ATP8B4: variants seen among roughly 807,000 people sequenced by gnomAD.
ATP8B4 encodes the protein ATPase phospholipid transporting 8B4 (putative).
Under a neutral mutation model 145.6 loss-of-function variants are expected in ATP8B4, and 133 were observed. The observed-to-expected ratio is 0.91, with a 90% CI of 0.79 to 1.05. The LOEUF (loss-of-function observed/expected upper bound fraction) is 1.05. ATP8B4 is among the 50% of genes least tolerant of loss of function. The pLI, the probability that ATP8B4 is intolerant of heterozygous loss-of-function variation, is 0.00. For synonymous variants in ATP8B4, 507 were observed against 492.9 expected (o/e 1.03, Z -0.38); for missense variants, 1,458 against 1,425.2 (o/e 1.02, Z -0.37).
intron 23 of ATP8B4, chr15:49,880,672 C>T (rs1258320036): frequency 6.6e-6 from 1 of 151,612 alleles, no homozygotes; most frequent in East Asian, 1.9e-4. Flanking sequence ...TTTCTAATAA[C>T]AAATTTTAAG....
chr15:49,899,444 G>T (rs552507372), intron 21 of ATP8B4, among the ~76,000 whole-genome samples: 1 of 152,048 alleles, frequency 6.6e-6, no homozygotes, highest in African/African-American at 2.4e-5. Flanking sequence ...ACCGGGGCAC[G>T]CTTAATAAAA....
At chr15:50,033,278 C>T (rs2050587447) in intron 6 of ATP8B4, among the ~76,000 whole-genome samples, 1 of 152,178 alleles carries the variant, frequency 6.6e-6, no homozygotes, top group Admixed American at 6.5e-5. Flanking sequence ...GCACAAAAAG[C>T]TTACAGTCAA....
At chr15:49,977,878 G>A (rs1415545224) in intron 12 of ATP8B4, among the ~76,000 whole-genome samples, 1 of 152,102 alleles carries the variant, frequency 6.6e-6, no homozygotes, top group East Asian at 1.9e-4. Flanking sequence ...TTATGGGGAA[G>A]TACATATTTG....
Position 50,074,167 on chromosome 15 carries a change from T to C in ATP8B4, c.47A>G (p.Lys16Arg), listed in dbSNP as rs1373365646. 5 of 1,612,890 alleles carry C rather than the reference T, an allele frequency of 3.1e-6. No homozygotes were observed. The South Asian group carries it at 5.5e-5, about 18-fold the overall frequency. Residue 16 changes from lysine (K) to arginine (R), a missense_variant, in exon 3 of 28, where the codon AAA becomes AGA. By Grantham distance (26) the Lys-to-Arg change is conservative. Transcript: ENST00000284509. ...KKLREVERIV[K>R]ANDREYNEKF... is the part of the protein sequence containing the mutation. ...TTCATTATATTCACGGTCATTGGCT[T>C]TCACTATCCGTTCCACTTCTAAAGA...
intron 27 of ATP8B4, among the ~76,000 whole-genome samples, chr15:49,860,704 G>A (rs1382471682): frequency 6.6e-6 from 1 of 152,082 alleles, no homozygotes; most frequent in Non-Finnish European, 1.5e-5. Flanking sequence ...AGAAATATCA[G>A]ACAAATTTCA....
chr15:50,135,138 T>C (rs141158632), intron 1 of ATP8B4, among the ~76,000 whole-genome samples: 1 of 152,358 alleles, frequency 6.6e-6, no homozygotes, highest in East Asian at 1.9e-4. Context: ...TCCCCAGTCC[T>C]TTAGTCCTTA....
At position 49,972,804 on chromosome 15, in the gene ATP8B4, A is replaced by C. The variant is rs745415121; in HGVS notation, c.1035-14T>G. 5.6e-6 allele frequency: 9 copies of C among 1,604,114 alleles called. No individual in the cohort carries two copies. In the Admixed American group the frequency reaches 1.4e-4, roughly 25 times the overall value. On this transcript the variant is annotated splice_polypyrimidine_tract_variant and intron_variant, in intron 12 of 27. Coordinates refer to ENST00000284509, the MANE Select transcript of ATP8B4 (RefSeq NM_024837.4). ...ATTACTTCCACACTATCATCCATTA[A>C]AATGGAAAAAAAGAAAGAAATGCTC...
At chr15:49,877,344 A>C (rs1034954859) in intron 24 of ATP8B4, among the ~76,000 whole-genome samples, 5 of 152,156 alleles carry the variant, frequency 3.3e-5, no homozygotes, top group African/African-American at 1.2e-4. Flanking sequence ...AATGCCAAAA[A>C]CCAAAAAGGA....
intron 7 of ATP8B4, among the ~76,000 whole-genome samples, chr15:50,008,244 A>C (rs1489985307): frequency 6.6e-6 from 1 of 152,130 alleles, no homozygotes; most frequent in African/African-American, 2.4e-5. Context: ...AGAATTAAGG[A>C]AGCATCACCT....
At chr15:50,145,726 A>T (rs1191550909) in intron 1 of ATP8B4, among the ~76,000 whole-genome samples, 1 of 152,036 alleles carries the variant, frequency 6.6e-6, no homozygotes. Flanking sequence ...GCACTCAGGT[A>T]CACCAAGAAG....
rs570381376 is a variant in ATP8B4, at chr15:50,102,758, C to T, written c.28+4181G>A. On this transcript the variant is annotated intron_variant, in intron 2 of 27. Transcript: ENST00000284509. The stretch of plus-strand genomic sequence containing the variant: ...ATCATTCTATGAAGCCAGTATCACC[C>T]TAATACCAAAACCAGGGATGGACAT... Among the ~76,000 whole-genome samples the T allele has an allele frequency of 6.7e-5, 10 of 148,542 alleles. 1 individual carries two copies. In the South Asian group the frequency reaches 2.2e-3, roughly 32 times the overall value.
In ATP8B4 at chr15:50,169,385, C is replaced by A. The variant is rs370346888; in HGVS notation, c.-43+12876G>T. 1.2e-4 allele frequency among the ~76,000 whole-genome samples: 19 copies of A among 152,186 alleles called. No individual in the cohort carries two copies. The East Asian group carries it at 1.7e-3, about 14-fold the overall frequency. ...GTGTGGACAACCACCAGTACCAGCC[C>A]GGAGTCAGGTAGACTCACTGGGTGG... On this transcript the variant is annotated intron_variant, in intron 1 of 3. Transcript: ENST00000558829.
chr15:49,987,174 A>T (rs777641811), intron 10 of ATP8B4, among the ~76,000 whole-genome samples: 1 of 152,164 alleles, frequency 6.6e-6, no homozygotes, highest in Non-Finnish European at 1.5e-5. Flanking sequence ...CTTAAGAATA[A>T]GATGTCAGTA....
At chr15:50,050,533 T>C (rs1369827897) in intron 3 of ATP8B4, among the ~76,000 whole-genome samples, 3 of 152,132 alleles carry the variant, frequency 2.0e-5, no homozygotes, top group African/African-American at 4.8e-5. Flanking sequence ...ATCTAAAGCA[T>C]TAAATATTCC....
At chr15:50,072,640 G>A (rs1418919090) in intron 3 of ATP8B4, among the ~76,000 whole-genome samples, 4 of 150,580 alleles carry the variant, frequency 2.7e-5, no homozygotes, top group African/African-American at 7.3e-5. Flanking sequence ...TTTTCCTTTC[G>A]AGATGGAGTC....
chr15:49,945,701 A>G (rs2042506696), intron 14 of ATP8B4, among the ~76,000 whole-genome samples: 1 of 152,222 alleles, frequency 6.6e-6, no homozygotes, highest in Non-Finnish European at 1.5e-5. Context: ...AACATACAAA[A>G]ATCAATATGA....
chr15:49,950,000 G>A (rs1208529080), intron 14 of ATP8B4, among the ~76,000 whole-genome samples: 3 of 152,164 alleles, frequency 2.0e-5, no homozygotes, highest in African/African-American at 7.2e-5. Context: ...TTGCATCCCA[G>A]GGATGAAGCT....
chr15:49,934,115 T>C lies in ATP8B4; in HGVS notation c.1355A>G (p.His452Arg), dbSNP rs974579978. 4 of 1,612,734 alleles carry C rather than the reference T, an allele frequency of 2.5e-6. No homozygotes were observed. Among genetic ancestry groups the C allele is most frequent in the Admixed American group, 1.7e-5 (1 of 59,820 alleles). Residue 452 changes from histidine (H) to arginine (R), a missense_variant, in exon 15 of 28, where the codon CAT becomes CGT. Coordinates refer to ENST00000284509, the MANE Select transcript of ATP8B4 (RefSeq NM_024837.4). ...ADREFQFFDHHLMESIKMGDP... is the reference protein window; with the variant it reads ...ADREFQFFDHRLMESIKMGDP... ...ACCCATTTTAATGGATTCCATCAGA[T>C]GGTGGTCAAAGAACTGAAATTCTCT...
chr15:50,006,764 C>T (rs1437178704), intron 7 of ATP8B4, among the ~76,000 whole-genome samples: 2 of 152,158 alleles, frequency 1.3e-5, no homozygotes, highest in Admixed American at 1.3e-4. Flanking sequence ...AGCTAAACAA[C>T]TCAATTCTAG....
Sources: gnomAD v4.1 joint callset for allele counts (sites outside exome capture counted in the v4.1 genomes callset) on GRCh38, gnomAD v4.1.1 for gene constraint, MANE v1.5 for transcripts, NCBI Gene and HGNC (gene_info 2026-07-23, HGNC 2026-07-21) for gene names.